Variants in DOCK5 observed in about 807,000 individuals in gnomAD.
DOCK5 encodes the protein dedicator of cytokinesis protein 5.
In DOCK5, 142 loss-of-function variants were observed where a neutral mutation model predicts 251.8. The observed-to-expected ratio is 0.56, with a 90% CI of 0.49 to 0.65. The LOEUF is 0.65. Among genes scored for constraint, DOCK5 ranks in the 30% least tolerant of loss-of-function variants. The pLI, the probability that DOCK5 is intolerant of heterozygous loss-of-function variation, is 0.00. For synonymous variants in DOCK5, 842 were observed against 835.5 expected (o/e 1.01, Z -0.13); for missense variants, 2,111 against 2,312.3 (o/e 0.91, Z 1.79).
intron 27 of DOCK5, 28 bp downstream of exon 27, chr8:25,351,854 G>A: frequency 1.9e-6 from 3 of 1,596,306 alleles, no homozygotes; most frequent in Non-Finnish European, 2.6e-6. Context: ...GGATCCCACG[G>A]CCGCTGCTGT....
rs186773965 is a variant in DOCK5 at position 25,340,140 on chromosome 8, C to T, written c.2328-737C>T. ...CTTAGAGTTGAGCAGGGAAATCAAG[C>T]GAATTCTGTTGTAGGTGTGTTAATT... On this transcript the variant is annotated intron_variant, in intron 22 of 51. Transcript: ENST00000276440. 3.7e-4 allele frequency among the ~76,000 whole-genome samples: 56 copies of T among 152,198 alleles called. No homozygotes were observed. The South Asian group carries it at 6.4e-3, about 17-fold the overall frequency.
chr8:25,226,824 A>T (rs768541344), intron 1 of DOCK5, among the ~76,000 whole-genome samples: 35 of 151,964 alleles, frequency 2.3e-4, no homozygotes, highest in Non-Finnish European at 4.7e-4. Flanking sequence ...TGACTTCGTG[A>T]TCCACCCGTC....
intron 44 of DOCK5, among the ~76,000 whole-genome samples, chr8:25,395,018 C>G (rs1390288685): frequency 6.6e-6 from 1 of 152,086 alleles, no homozygotes; most frequent in Non-Finnish European, 1.5e-5. Flanking sequence ...ATATTTCTAT[C>G]ATTATTATAT....
rs541260988 is a variant in DOCK5 at position 25,374,627 on chromosome 8, G to T, written c.3789G>T (p.Thr1263=). ...AGAACTACACAGAAGCTGCCTACAC[G>T]CTTCTCTTGCACGCTGAGCTTCTGC... is the stretch of plus-strand genomic sequence containing the variant. ...DCENYTEAAY[T]LLLHAELLQW... Residue 1263 remains threonine, a synonymous_variant, in exon 37 of 52, where the codon ACG becomes ACT. Transcript: ENST00000276440. 1.2e-6 allele frequency: 2 copies of T among 1,613,692 alleles called. No individual in the cohort carries two copies. The highest frequency in any genetic ancestry group is 1.7e-5 in the Admixed American group (1 of 59,986).
chr8:25,235,035 G>A (rs989545820), intron 1 of DOCK5, among the ~76,000 whole-genome samples: 9 of 152,132 alleles, frequency 5.9e-5, no homozygotes, highest in Admixed American at 2.0e-4. Context: ...AGGGGAAGGA[G>A]TGGAGGGGAG....
At chr8:25,400,259 G>A (rs1801415203) in intron 46 of DOCK5, among the ~76,000 whole-genome samples, 1 of 152,094 alleles carries the variant, frequency 6.6e-6, no homozygotes, top group Admixed American at 6.6e-5. Flanking sequence ...AGCACTTTGG[G>A]AGGCTGAAGT....
At chr8:25,251,054 C>T (rs749153653) in intron 2 of DOCK5, among the ~76,000 whole-genome samples, 7 of 152,202 alleles carry the variant, frequency 4.6e-5, no homozygotes, top group Admixed American at 6.5e-5. Context: ...CTGTGATTAA[C>T]GTCACTCCAG....
chr8:25,361,255 A>G (rs894895529), intron 28 of DOCK5, among the ~76,000 whole-genome samples: 5 of 152,212 alleles, frequency 3.3e-5, no homozygotes, highest in Admixed American at 3.3e-4. Context: ...CAAACCATGA[A>G]TTCTTATGGA....
At chr8:25,319,702 T>A (rs1456119427) in intron 15 of DOCK5, 26 bp downstream of exon 15, 2 of 1,484,754 alleles carry the variant, frequency 1.3e-6, no homozygotes, top group Admixed American at 2.0e-5. Flanking sequence ...TTGTAACCCC[T>A]GTTATCTGTT....
intron 50 of DOCK5, 92 bp from the exon 51 acceptor site, chr8:25,410,007 G>C: frequency 9.7e-7 from 1 of 1,033,658 alleles, no homozygotes; most frequent in Non-Finnish European, 1.4e-6. Context: ...TGGTTGACCA[G>C]GTTGGCTTAG....
Position 25,342,428 on chromosome 8 carries a change from C to A in DOCK5, c.2538C>A (p.Ser846Arg), listed in dbSNP as rs777193305. 1.2e-5 allele frequency: 19 copies of A among 1,599,022 alleles called. No homozygotes were observed. In the South Asian group the frequency reaches 1.9e-4, roughly 16 times the overall value. ...LSVLFCKFIQSIPDNQLVRQK... is the reference protein window; with the variant it reads ...LSVLFCKFIQRIPDNQLVRQK... The stretch of plus-strand genomic sequence containing the variant: ...TGCTCTTCTGCAAATTCATTCAAAG[C>A]ATTCCTGACAACCAGCTGGTTCGGC... The change falls in exon 25 of 52, where the codon AGC becomes AGA. Residue 846 changes from serine to arginine, a missense_variant. By Grantham distance (110) the Ser-to-Arg change is moderately radical (BLOSUM62 -1). Coordinates refer to ENST00000276440, the MANE Select transcript of DOCK5 (RefSeq NM_024940.8).
chr8:25,403,544 T>C lies in DOCK5; in HGVS notation c.4927-14T>C, dbSNP rs540071879. 3 of 1,612,546 alleles carry C rather than the reference T, an allele frequency of 1.9e-6. No individual in the cohort carries two copies. The highest frequency in any genetic ancestry group is 2.7e-5 in the African/African-American group (2 of 74,892). ...TTCCAGGTCCGCTAACCATGTGGAG[T>C]CATATGTTTTCAGCCACCCAACTTG... is the stretch of plus-strand genomic sequence containing the variant. On this transcript the variant is annotated splice_polypyrimidine_tract_variant and intron_variant, in intron 47 of 51. Coordinates refer to ENST00000276440, the MANE Select transcript of DOCK5 (RefSeq NM_024940.8).
intron 18 of DOCK5, among the ~76,000 whole-genome samples, chr8:25,326,643 C>T (rs988689313): frequency 6.6e-6 from 1 of 152,168 alleles, no homozygotes; most frequent in African/African-American, 2.4e-5. Context: ...ATGGGTACAA[C>T]ATTTATGGAA....
chr8:25,295,878 G>A lies in DOCK5; in HGVS notation c.471-635G>A, dbSNP rs1384397560. Among the ~76,000 whole-genome samples, 4 of 152,200 alleles carry A rather than the reference G, an allele frequency of 2.6e-5. No individual in the cohort carries two copies. In the East Asian group the frequency reaches 5.8e-4, roughly 22 times the overall value. On this transcript the variant is annotated intron_variant, in intron 6 of 51. Transcript: ENST00000276440. ...TTTCTCATGCAGGCTAGAGTGCAGTGGTGCAATCCTGACTCATTGCAGCCT... is the reference window on the plus strand; with the variant it reads ...TTTCTCATGCAGGCTAGAGTGCAGTAGTGCAATCCTGACTCATTGCAGCCT...
In DOCK5 at chr8:25,340,099, G is replaced by C. The variant is rs935829733; in HGVS notation, c.2328-778G>C. Among the ~76,000 whole-genome samples the C allele has an allele frequency of 1.3e-5, 2 of 152,172 alleles. 1 individual carries two copies. Among genetic ancestry groups the C allele is most frequent in the Non-Finnish European group, 2.9e-5 (2 of 68,038 alleles). On this transcript the variant is annotated intron_variant, in intron 22 of 51. Coordinates refer to ENST00000276440, the MANE Select transcript of DOCK5 (RefSeq NM_024940.8). ...ATCTAGGTTCGAGGTGATGCTGTTT[G>C]CTGACATTTGTAATACTTAGAGTTG...
intron 10 of DOCK5, 114 bp from the exon 11 acceptor site, chr8:25,304,141 C>A: frequency 1.1e-6 from 1 of 893,692 alleles, no homozygotes; most frequent in Non-Finnish European, 1.6e-6. Flanking sequence ...AAAGTCCCTG[C>A]TTAGTACCTT....
At chr8:25,339,024 C>T (rs183720400) in intron 22 of DOCK5, among the ~76,000 whole-genome samples, 511 of 152,132 alleles carry the variant, frequency 3.4e-3, no homozygotes, top group Non-Finnish European at 5.6e-3. Flanking sequence ...TGATGGCCTG[C>T]GTGTGGTTAC....
At chr8:25,304,507 C>A in intron 11 of DOCK5, 180 bp downstream of exon 11, 2 of 534,222 alleles carry the variant, frequency 3.7e-6, no homozygotes, top group Admixed American at 3.7e-5. Context: ...TGTTGGACTC[C>A]CATTGAAGAG....
intron 1 of DOCK5, among the ~76,000 whole-genome samples, chr8:25,194,098 C>T (rs1801655272): frequency 7.0e-6 from 1 of 142,142 alleles, no homozygotes; most frequent in Admixed American, 7.3e-5. Flanking sequence ...CCAGCCTGGC[C>T]AACATGGCGA....
Sources: gnomAD v4.1 joint callset for allele counts (sites outside exome capture counted in the v4.1 genomes callset) on GRCh38, gnomAD v4.1.1 for gene constraint, MANE v1.5 for transcripts, NCBI Gene and HGNC (gene_info 2026-07-23, HGNC 2026-07-21) for gene names.